Variants in PTPRD observed in about 807,000 individuals in gnomAD.
PTPRD encodes the protein protein tyrosine phosphatase receptor type D.
Under a neutral mutation model 214.5 loss-of-function variants are expected in PTPRD, and 34 were observed. The ratio of observed to expected loss-of-function variants is 0.16; its 90% CI spans 0.12 to 0.21. The LOEUF is 0.21. Among genes scored for constraint, PTPRD ranks in the 10% least tolerant of loss-of-function variants. The probability of loss-of-function intolerance (pLI) is 1.00; values close to 1 mark genes in which losing one functional copy is unlikely to be tolerated. For synonymous variants in PTPRD, 1,128 were observed against 845.7 expected, an observed-to-expected ratio of 1.33 and a Z score of -5.79; for missense variants, 2,545 against 2,398.7, an observed-to-expected ratio of 1.06 and a Z score of -1.27.
At chr9:10,039,982 T>G (rs1397560600) in intron 3 of PTPRD, among the ~76,000 whole-genome samples, 3 of 152,084 alleles carry the variant, frequency 2.0e-5, no homozygotes, top group Admixed American at 6.6e-5. Context: ...CTAAATTGCC[T>G]TTAGTTCAAG....
chr9:9,550,404 G>T (rs1251137346), intron 8 of PTPRD, among the ~76,000 whole-genome samples: 2 of 120,454 alleles, frequency 1.7e-5, no homozygotes, highest in Non-Finnish European at 3.9e-5. Flanking sequence ...TATATGAAAT[G>T]TATAATTTTA....
intron 21 of PTPRD, among the ~76,000 whole-genome samples, chr9:8,514,524 AG>A (rs2097749183): frequency 7.2e-6 from 1 of 138,940 alleles, no homozygotes; most frequent in African/African-American, 2.7e-5. Flanking sequence ...AGATAAACTT[AG>A]TTTTTTTTTT....
intron 5 of PTPRD, among the ~76,000 whole-genome samples, chr9:9,816,652 G>A (rs982147539): frequency 2.0e-5 from 3 of 152,100 alleles, no homozygotes; most frequent in East Asian, 3.9e-4. Context: ...AAAAAGGGAA[G>A]ACCTTTTGCG....
chr9:8,964,936 A>G (rs1010503079), intron 11 of PTPRD, among the ~76,000 whole-genome samples: 1 of 152,118 alleles, frequency 6.6e-6, no homozygotes, highest in African/African-American at 2.4e-5. Flanking sequence ...TGATTTTTTA[A>G]AAAGTTTATT....
intron 11 of PTPRD, among the ~76,000 whole-genome samples, chr9:8,777,297 T>G (rs2095525206): frequency 6.6e-6 from 1 of 152,154 alleles, no homozygotes; most frequent in African/African-American, 2.4e-5. Flanking sequence ...AGAATGAAAT[T>G]TAAACAGAGG....
chr9:10,313,195 A>T (rs2096317840), intron 3 of PTPRD, among the ~76,000 whole-genome samples: 1 of 151,902 alleles, frequency 6.6e-6, no homozygotes, highest in South Asian at 2.1e-4. Flanking sequence ...CCATTTGACA[A>T]TTCAGTCCAG....
chr9:8,881,518 T>C (rs911640522), intron 11 of PTPRD, among the ~76,000 whole-genome samples: 1 of 152,222 alleles, frequency 6.6e-6, no homozygotes, highest in Admixed American at 6.5e-5. Context: ...GGAAGGGGTT[T>C]ACTATACATC....
chr9:8,461,351 T>C (rs2096395743), intron 32 of PTPRD, among the ~76,000 whole-genome samples: 1 of 152,138 alleles, frequency 6.6e-6, no homozygotes, highest in East Asian at 1.9e-4. Flanking sequence ...ACTGATAATA[T>C]ACTTTTTAAG....
rs187929118 is a variant in PTPRD at position 9,082,950 on chromosome 9, C to G, written c.-142-64215G>C. Among the ~76,000 whole-genome samples, 601 of 152,208 alleles carry G rather than the reference C, an allele frequency of 3.9e-3. 3 individuals carry two copies. The highest frequency in any genetic ancestry group is 6.9e-3 in the Non-Finnish European group (471 of 68,008). On this transcript the variant is annotated intron_variant, in intron 10 of 45. Coordinates refer to ENST00000381196, the MANE Select transcript of PTPRD (RefSeq NM_002839.4). ...TTCCATGCTCATGGATAGGAAGAAT[C>G]AATATCATGAAAATGGCCATACTGC...
intron 11 of PTPRD, among the ~76,000 whole-genome samples, chr9:8,741,980 T>C (rs538765722): frequency 1.2e-3 from 179 of 152,312 alleles, no homozygotes; most frequent in Non-Finnish European, 2.3e-3. Flanking sequence ...TTAAGAGGTC[T>C]AGACAAGACA....
chr9:10,085,604 G>A (rs1186142824), intron 3 of PTPRD, among the ~76,000 whole-genome samples: 1 of 145,176 alleles, frequency 6.9e-6, no homozygotes, highest in Non-Finnish European at 1.5e-5. Flanking sequence ...ATGAGACACA[G>A]AGAAGAAAAG....
At chr9:10,077,786 T>G (rs1216569335) in intron 3 of PTPRD, among the ~76,000 whole-genome samples, 1 of 152,052 alleles carries the variant, frequency 6.6e-6, no homozygotes, top group Admixed American at 6.6e-5. Flanking sequence ...CTTAGGATAA[T>G]GGCCTTCAGC....
chr9:8,865,192 A>T (rs1293809640), intron 11 of PTPRD, among the ~76,000 whole-genome samples: 2 of 152,068 alleles, frequency 1.3e-5, no homozygotes, highest in Non-Finnish European at 1.5e-5. Flanking sequence ...GACAGTCCAA[A>T]TTTTTCAGAA....
chr9:10,026,679 A>C (rs577118716), intron 4 of PTPRD, among the ~76,000 whole-genome samples: 1 of 152,224 alleles, frequency 6.6e-6, no homozygotes, highest in African/African-American at 2.4e-5. Flanking sequence ...AAACAGCAAA[A>C]TCTGAACCTC....
At chr9:10,543,505 CAA>C (rs1566844221) in intron 2 of PTPRD, among the ~76,000 whole-genome samples, 2 of 150,904 alleles carry the variant, frequency 1.3e-5, no homozygotes, top group Non-Finnish European at 3.0e-5. Context: ...CACACACACA[CAA>C]ACACACACAC....
intron 3 of PTPRD, among the ~76,000 whole-genome samples, chr9:10,093,035 G>C (rs1474678612): frequency 6.6e-6 from 1 of 151,442 alleles, no homozygotes; most frequent in Non-Finnish European, 1.5e-5. Context: ...TCTCAACATT[G>C]GCTTTGGCAA....
At chr9:9,418,034 C>G (rs991676073) in intron 8 of PTPRD, among the ~76,000 whole-genome samples, 2 of 152,038 alleles carry the variant, frequency 1.3e-5, no homozygotes, top group Non-Finnish European at 2.9e-5. Context: ...TTCGTTTTCT[C>G]TATGAAATGT....
rs567824170 is a variant in PTPRD, at chr9:10,195,348, T to G, written c.-545+145615A>C. ...TTTTTCTCAAAATCCTTTGCCCTCT[T>G]CTGTTTTGTTAGAGACCCCAATTTT... On this transcript the variant is annotated intron_variant, in intron 3 of 45. Transcript: ENST00000381196. Among the ~76,000 whole-genome samples, 8 of 152,226 alleles carry G rather than the reference T, an allele frequency of 5.3e-5. No homozygotes were observed. The South Asian group carries it at 1.2e-3, about 24-fold the overall frequency.
At chr9:8,976,528 A>G (rs766207069) in intron 11 of PTPRD, among the ~76,000 whole-genome samples, 3 of 152,158 alleles carry the variant, frequency 2.0e-5, no homozygotes, top group Non-Finnish European at 2.9e-5. Context: ...TCCACAGCCA[A>G]TACAAGTATT....
Sources: gnomAD v4.1 joint callset for allele counts (sites outside exome capture counted in the v4.1 genomes callset) on GRCh38, gnomAD v4.1.1 for gene constraint, MANE v1.5 for transcripts, NCBI Gene and HGNC (gene_info 2026-07-23, HGNC 2026-07-21) for gene names.